FGF10: variants seen among roughly 807,000 people sequenced by gnomAD.
FGF10 encodes fibroblast growth factor 10.
In FGF10, 2 loss-of-function variants were observed where a neutral mutation model predicts 19.8. The ratio of observed to expected loss-of-function variants is 0.10; its 90% CI spans 0.04 to 0.32. The LOEUF (loss-of-function observed/expected upper bound fraction) is 0.32, where lower values mean the gene tolerates loss of function less well. FGF10 is among the 10% of genes least tolerant of loss of function. The pLI is 1.00. For missense variants in FGF10, 191 were observed against 246.3 expected (o/e 0.78, Z 1.50); for synonymous variants, 112 against 94.0 (o/e 1.19, Z -1.10).
intron 1 of FGF10, among the ~76,000 whole-genome samples, chr5:44,320,712 CTT>C (rs55668182): frequency 6.6e-6 from 1 of 151,364 alleles, no homozygotes; most frequent in African/African-American, 2.4e-5. Context: ...TGGAGGTTTT[CTT>C]TTTTTTTCTT....
chr5:44,380,607 A>G (rs562822743), intron 1 of FGF10, among the ~76,000 whole-genome samples: 1 of 152,358 alleles, frequency 6.6e-6, no homozygotes, highest in Admixed American at 6.5e-5. Flanking sequence ...TCTAAGTGCC[A>G]TTCTGGAAGT....
intron 1 of FGF10, among the ~76,000 whole-genome samples, chr5:44,367,517 G>A (rs941374814): frequency 1.3e-5 from 2 of 152,024 alleles, no homozygotes; most frequent in African/African-American, 2.4e-5. Flanking sequence ...AGGAACTGAA[G>A]CCATACTACC....
chr5:44,314,285 T>G (rs914576665), intron 1 of FGF10, among the ~76,000 whole-genome samples: 1 of 152,168 alleles, frequency 6.6e-6, no homozygotes, highest in Non-Finnish European at 1.5e-5. Context: ...GTAAACATCT[T>G]GTGCAGATTC....
In FGF10 at chr5:44,303,006, T is replaced by C. The variant is rs888356510; in HGVS notation, c.*1989A>G. Among the ~76,000 whole-genome samples, 3 of 152,176 alleles carry C rather than the reference T, an allele frequency of 2.0e-5. No homozygotes were observed. Among genetic ancestry groups the C allele is most frequent in the African/African-American group, 7.2e-5 (3 of 41,446 alleles). ...TAGTTTTGATAGGAATGCATTACAT[T>C]ATAGCTCACAGACTGAGTTACCAAT... On this transcript the variant is annotated 3_prime_UTR_variant, in exon 3 of 3. Coordinates refer to ENST00000264664, the MANE Select transcript of FGF10 (RefSeq NM_004465.2).
At chr5:44,368,283 A>G (rs1741665259) in intron 1 of FGF10, among the ~76,000 whole-genome samples, 1 of 152,138 alleles carries the variant, frequency 6.6e-6, no homozygotes, top group Non-Finnish European at 1.5e-5. Flanking sequence ...TTTTTCAATG[A>G]GTAAAATTGG....
chr5:44,328,318 C>T (rs1413058383), intron 1 of FGF10, among the ~76,000 whole-genome samples: 6 of 152,168 alleles, frequency 3.9e-5, no homozygotes, highest in East Asian at 1.9e-4. Context: ...AAATTTATTA[C>T]AGACATAAAA....
At position 44,302,277 on chromosome 5, in the gene FGF10, TCC is replaced by T. The variant is rs1739981057; in HGVS notation, c.*2716_*2717del. 1.6e-5 allele frequency among the ~76,000 whole-genome samples: 2 copies of T among 128,642 alleles called. No homozygotes were observed. Among genetic ancestry groups the T allele is most frequent in the African/African-American group, 6.6e-5 (2 of 30,218 alleles). The allele number at this position is 128,642 out of a possible 152,430, so 84.4% of individuals were successfully genotyped here. A position where few individuals can be genotyped will look rare whatever the true frequency, so the allele number is the denominator to read the frequency against. ...TCCCTTCTTTCCTTCCTTCCTTCTT[TCC>T]TTGCTTCCTTCCTTCCTTCCTTCCT... On this transcript the variant is annotated 3_prime_UTR_variant, in exon 3 of 3. Coordinates refer to ENST00000264664, the MANE Select transcript of FGF10 (RefSeq NM_004465.2).
Position 44,388,411 on chromosome 5 carries a change from T to C in FGF10, c.272A>G (p.Lys91Arg), listed in dbSNP as rs752464185. The change falls in exon 1 of 3, where the codon AAG becomes AGG. Residue 91 changes from lysine (K) to arginine (R), a missense_variant. Lys to Arg is a conservative substitution (Grantham distance 26). Coordinates refer to ENST00000264664, the MANE Select transcript of FGF10 (RefSeq NM_004465.2). The stretch of plus-strand genomic sequence containing the variant: ...GCTGACCTTCCCGTTCTTCTCAATC[T>C]TGAGAAAGTACTTGGTGAAAGAGAA... ...KLFSFTKYFL[K>R]IEKNGKVSGT... 2.5e-6 allele frequency: 4 copies of C among 1,613,768 alleles called. No homozygotes were observed. Among genetic ancestry groups the C allele is most frequent in the Admixed American group, 3.3e-5 (2 of 60,006 alleles).
intron 1 of FGF10, 21 bp downstream of exon 1, chr5:44,388,337 G>T: frequency 1.2e-6 from 2 of 1,606,378 alleles, no homozygotes; most frequent in South Asian, 1.1e-5. Flanking sequence ...GGAAGGAGGG[G>T]AGCATGCATT....
chr5:44,312,408 A>G (rs1452572579), intron 1 of FGF10, among the ~76,000 whole-genome samples: 1 of 152,070 alleles, frequency 6.6e-6, no homozygotes, highest in African/African-American at 2.4e-5. Context: ...TCTGACTTTT[A>G]GACTCTATTG....
At chr5:44,334,531 G>A (rs1235473232) in intron 1 of FGF10, among the ~76,000 whole-genome samples, 1 of 151,952 alleles carries the variant, frequency 6.6e-6, no homozygotes, top group African/African-American at 2.4e-5. Flanking sequence ...GGGCACATGT[G>A]CACAACGTTA....
chr5:44,353,959 C>G (rs1444421567), intron 1 of FGF10, among the ~76,000 whole-genome samples: 3 of 151,302 alleles, frequency 2.0e-5, no homozygotes, highest in African/African-American at 7.3e-5. Context: ...ATTTTTTCCT[C>G]TATTTTTTTC....
chr5:44,305,124 T>C lies in FGF10; in HGVS notation c.498A>G (p.Ser166=), dbSNP rs778153966. 5 of 1,613,988 alleles carry C rather than the reference T, an allele frequency of 3.1e-6. No homozygotes were observed. Among genetic ancestry groups the C allele is most frequent in the Admixed American group, 1.7e-5 (1 of 60,012 alleles). ...GCCTCCCATTATGCTGCCAGTTAAA[T>C]GATGCATAGGTATTGTATCCATTTT... is the stretch of plus-strand genomic sequence containing the variant. ...IEENGYNTYA[S]FNWQHNGRQM... is the part of the protein sequence containing the mutation. Residue 166 remains serine, a synonymous_variant, in exon 3 of 3, where the codon TCA becomes TCG. Transcript: ENST00000264664.
At chr5:44,351,004 C>A (rs1219653574) in intron 1 of FGF10, among the ~76,000 whole-genome samples, 2 of 151,336 alleles carry the variant, frequency 1.3e-5, no homozygotes, top group East Asian at 3.9e-4. Context: ...AGGTAAATAT[C>A]TATTAATTAA....
chr5:44,386,541 T>C (rs1742101322), intron 1 of FGF10, among the ~76,000 whole-genome samples: 1 of 152,194 alleles, frequency 6.6e-6, no homozygotes, highest in Non-Finnish European at 1.5e-5. Flanking sequence ...ATTTTAGAAG[T>C]AAATAAAGTT....
At chr5:44,323,296 G>A (rs750360840) in intron 1 of FGF10, among the ~76,000 whole-genome samples, 3 of 152,180 alleles carry the variant, frequency 2.0e-5, no homozygotes, top group Admixed American at 6.6e-5. Context: ...CATGCAGCCA[G>A]TATTTTGTAG....
chr5:44,327,557 A>G (rs1241195065), intron 1 of FGF10, among the ~76,000 whole-genome samples: 1 of 152,178 alleles, frequency 6.6e-6, no homozygotes, highest in Admixed American at 6.5e-5. Context: ...TTAAGGTAAT[A>G]AGGTCCACTG....
chr5:44,376,203 T>C (rs1253124857), intron 1 of FGF10, among the ~76,000 whole-genome samples: 1 of 151,986 alleles, frequency 6.6e-6, no homozygotes, highest in Non-Finnish European at 1.5e-5. Context: ...TTGGTTTATC[T>C]AAACTTAAAA....
At chr5:44,336,414 ATACT>A (rs1158854957) in intron 1 of FGF10, among the ~76,000 whole-genome samples, 3 of 152,246 alleles carry the variant, frequency 2.0e-5, no homozygotes, top group African/African-American at 7.2e-5. Context: ...TCAGTTTCAA[ATACT>A]TACTGTGATC....
Sources: gnomAD v4.1 joint callset for allele counts (sites outside exome capture counted in the v4.1 genomes callset) on GRCh38, gnomAD v4.1.1 for gene constraint, MANE v1.5 for transcripts, NCBI Gene and HGNC (gene_info 2026-07-23, HGNC 2026-07-21) for gene names.